The following KIRREL3 variants were observed in gnomAD, a reference collection of about 807,000 sequenced individuals.
The protein encoded by KIRREL3 is kirre like nephrin family adhesion molecule 3.
KIRREL3 carries 36 observed loss-of-function variants against 89.7 expected under a neutral mutation model. The ratio of observed to expected loss-of-function variants is 0.40; its 90% CI spans 0.31 to 0.53. The LOEUF (loss-of-function observed/expected upper bound fraction) is 0.53, where lower values mean the gene tolerates loss of function less well. Ranked by LOEUF, KIRREL3 falls within the 20% of genes least tolerant of loss-of-function variation. KIRREL3 has a pLI of 0.49. For synonymous variants in KIRREL3, 445 were observed against 441.4 expected (o/e 1.01, Z -0.10); for missense variants, 864 against 1,056.6 (o/e 0.82, Z 2.53).
rs113885071 is a variant in KIRREL3, at chr11:126,867,622, G to A, written c.55+132833C>T. Among the ~76,000 whole-genome samples, 2,342 of 152,244 alleles carry A rather than the reference G, an allele frequency of 0.015. 69 individuals carry two copies. Among genetic ancestry groups the A allele is most frequent in the African/African-American group, 0.053 (2,219 of 41,520 alleles). On this transcript the variant is annotated intron_variant, in intron 1 of 16. Coordinates refer to ENST00000525144, the MANE Select transcript of KIRREL3 (RefSeq NM_032531.4). The surrounding 1 kb of genome is among the most constrained non-coding windows in gnomAD (Gnocchi z 4.7). ...TAATACATTTCACCGAATGATTACCGAGTGCCATGCCCCATCAGGATGTGC... is the reference window on the plus strand; with the variant it reads ...TAATACATTTCACCGAATGATTACCAAGTGCCATGCCCCATCAGGATGTGC...
Position 126,898,640 on chromosome 11 carries a change from G to A in KIRREL3, c.55+101815C>T, listed in dbSNP as rs1178840078. On this transcript the variant is annotated intron_variant, in intron 1 of 16. Transcript: ENST00000525144. This position sits in a 1 kb window ranked among gnomAD's most constrained non-coding sequence, Gnocchi z 4.9. ...AGGTAAATTAAAATCATGCATATAGGTAACACCCTGTACTTTACATATATT... is the reference window on the plus strand; with the variant it reads ...AGGTAAATTAAAATCATGCATATAGATAACACCCTGTACTTTACATATATT... 6.6e-6 allele frequency among the ~76,000 whole-genome samples: 1 copy of A among 152,122 alleles called. No individual in the cohort carries two copies. Among genetic ancestry groups the A allele is most frequent in the Non-Finnish European group, 1.5e-5 (1 of 68,040 alleles).
Position 126,451,701 on chromosome 11 carries a change from T to C in KIRREL3, c.849-2544A>G, listed in dbSNP as rs538573623. 3.3e-5 allele frequency among the ~76,000 whole-genome samples: 5 copies of C among 152,006 alleles called. No homozygotes were observed. The East Asian group carries it at 9.7e-4, about 29-fold the overall frequency. ...ATGTGCGTGTGTGTGCACGTGTGAG[T>C]GTGTGCATGTGTGAGCACGTGCATA... On this transcript the variant is annotated intron_variant, in intron 7 of 16. Coordinates refer to ENST00000525144, the MANE Select transcript of KIRREL3 (RefSeq NM_032531.4).
rs1001128238 is a variant in KIRREL3, at chr11:126,476,694, G to T, written c.434-3228C>A. Among the ~76,000 whole-genome samples the T allele has an allele frequency of 1.3e-5, 2 of 152,082 alleles. No homozygotes were observed. Among genetic ancestry groups the T allele is most frequent in the African/African-American group, 4.8e-5 (2 of 41,396 alleles). ...GGGGGTGGGGGTTGGTGAGGATGGA[G>T]GATGTTTGGGGGCCAGCAGGCTGAA... is the stretch of plus-strand genomic sequence containing the variant. On this transcript the variant is annotated intron_variant, in intron 4 of 16. Transcript: ENST00000525144. The surrounding 1 kb of genome is among the most constrained non-coding windows in gnomAD (Gnocchi z 6.4).
At chr11:126,859,912 T>C (rs553772106) in intron 1 of KIRREL3, among the ~76,000 whole-genome samples, 1 of 152,328 alleles carries the variant, frequency 6.6e-6, no homozygotes, top group East Asian at 1.9e-4. Flanking sequence ...TCACCCTCCT[T>C]TCTATCTCTA....
intron 1 of KIRREL3, among the ~76,000 whole-genome samples, chr11:126,998,916 AGTGTGTGTGTGTGTGT>A (rs10561880): frequency 0.18 from 25,203 of 141,332 alleles, 2,509 homozygotes; most frequent in African/African-American, 0.27. Context: ...GACGAATGGG[AGTGTGTGTGTGTGTGT>A]GTGTGTGTGT....
chr11:126,746,273 G>A lies in KIRREL3; in HGVS notation c.56-183361C>T, dbSNP rs573540660. On this transcript the variant is annotated intron_variant, in intron 1 of 16. Coordinates refer to ENST00000525144, the MANE Select transcript of KIRREL3 (RefSeq NM_032531.4). The stretch of plus-strand genomic sequence containing the variant: ...TGATGGGCCCTTGCCTTTAATCAGC[G>A]TGTGGTTTATTAAAGGAGAAACTAT... Among the ~76,000 whole-genome samples, 25 of 152,336 alleles carry A rather than the reference G, an allele frequency of 1.6e-4. No individual in the cohort carries two copies. In the East Asian group the frequency reaches 1.7e-3, roughly 11 times the overall value.
rs143972497 is a variant in KIRREL3 at position 126,557,834 on chromosome 11, G to A, written c.133+5001C>T. On this transcript the variant is annotated intron_variant, in intron 2 of 16. Transcript: ENST00000525144. This position sits in a 1 kb window ranked among gnomAD's most constrained non-coding sequence, Gnocchi z 5.6. ...CTGGACTGGGACCACAGTGCTGTTC[G>A]GGAGCTGTGGGCCATGCAAGAGGCT... is the stretch of plus-strand genomic sequence containing the variant. Among the ~76,000 whole-genome samples, 1,131 of 152,282 alleles carry A rather than the reference G, an allele frequency of 7.4e-3. 14 individuals carry two copies. The highest frequency in any genetic ancestry group is 0.026 in the African/African-American group (1,080 of 41,554).
rs1174048526 is a variant in KIRREL3 at position 126,594,844 on chromosome 11, C to A, written c.56-31932G>T. Among the ~76,000 whole-genome samples, 5 of 152,250 alleles carry A rather than the reference C, an allele frequency of 3.3e-5. No homozygotes were observed. Among genetic ancestry groups the A allele is most frequent in the Admixed American group, 6.5e-5 (1 of 15,280 alleles). On this transcript the variant is annotated intron_variant, in intron 1 of 16. Transcript: ENST00000525144. The surrounding 1 kb of genome is among the most constrained non-coding windows in gnomAD (Gnocchi z 5.0). ...AACCTGCATTTGGGAGCTGCTCGAT[C>A]TTTTCTGTTAGCATTTCCGCCACGT...
At chr11:126,854,986 G>A (rs1944462371) in intron 1 of KIRREL3, among the ~76,000 whole-genome samples, 1 of 152,138 alleles carries the variant, frequency 6.6e-6, no homozygotes, top group East Asian at 1.9e-4. Context: ...GTACAGATGT[G>A]GAGTCCGAGG....
Position 126,783,499 on chromosome 11 carries a change from C to T in KIRREL3, c.55+216956G>A, listed in dbSNP as rs952684268. On this transcript the variant is annotated intron_variant, in intron 1 of 16. Coordinates refer to ENST00000525144, the MANE Select transcript of KIRREL3 (RefSeq NM_032531.4). The surrounding 1 kb of genome is among the most constrained non-coding windows in gnomAD (Gnocchi z 4.3). ...CACAATCCAACACATAACATATTCT[C>T]TTCCAAAAAAGCCACACTAATGAGG... 6.6e-6 allele frequency among the ~76,000 whole-genome samples: 1 copy of T among 152,180 alleles called. No homozygotes were observed. The highest frequency in any genetic ancestry group is 6.5e-5 in the Admixed American group (1 of 15,280).
At chr11:126,648,946 A>G (rs1944800451) in intron 1 of KIRREL3, among the ~76,000 whole-genome samples, 1 of 152,222 alleles carries the variant, frequency 6.6e-6, no homozygotes, top group South Asian at 2.1e-4. Flanking sequence ...GACATACTCG[A>G]GAATGGGAAG....
At chr11:126,930,003 G>A (rs1380096390) in intron 1 of KIRREL3, among the ~76,000 whole-genome samples, 1 of 152,046 alleles carries the variant, frequency 6.6e-6, no homozygotes, top group African/African-American at 2.4e-5. Context: ...GGAGGAAGGA[G>A]GGGTGTGTAA....
At position 126,736,865 on chromosome 11, in the gene KIRREL3, G is replaced by A. The variant is rs1219896865; in HGVS notation, c.56-173953C>T. On this transcript the variant is annotated intron_variant, in intron 1 of 16. Coordinates refer to ENST00000525144, the MANE Select transcript of KIRREL3 (RefSeq NM_032531.4). This position sits in a 1 kb window ranked among gnomAD's most constrained non-coding sequence, Gnocchi z 5.0. ...GTCCTCCCCCACCCTGTGCTGCCCA[G>A]GAAAAAGAGCTCAAAGGGAGTGCCC... Among the ~76,000 whole-genome samples the A allele has an allele frequency of 6.6e-6, 1 of 152,158 alleles. No homozygotes were observed. Among genetic ancestry groups the A allele is most frequent in the African/African-American group, 2.4e-5 (1 of 41,432 alleles).
rs1171847822 is a variant in KIRREL3, at chr11:126,687,890, C to G, written c.56-124978G>C. ...GCTCCACTGCCAGCGAGGGAGAAAG[C>G]CCTCCTAGGCCCGAAGCAGCAAAAG... On this transcript the variant is annotated intron_variant, in intron 1 of 16. Coordinates refer to ENST00000525144, the MANE Select transcript of KIRREL3 (RefSeq NM_032531.4). This position sits in a 1 kb window ranked among gnomAD's most constrained non-coding sequence, Gnocchi z 4.6. Among the ~76,000 whole-genome samples the G allele has an allele frequency of 6.6e-6, 1 of 152,186 alleles. No individual in the cohort carries two copies. The highest frequency in any genetic ancestry group is 6.5e-5 in the Admixed American group (1 of 15,284).
Position 126,425,699 on chromosome 11 carries a change from T to G in KIRREL3, c.1832A>C (p.Asp611Ala). The G allele has an allele frequency of 6.3e-7, 1 of 1,598,434 alleles. No homozygotes were observed. The highest frequency in any genetic ancestry group is 8.5e-7 in the Non-Finnish European group (1 of 1,171,888). ...LMMDRGEFQQ[D>A]SVLKQLEVLK... Reference sequence around the variant, plus strand: ...GACCTCCAGCTGTTTCAGGACTGAGTCTTGCTGGAATTCACCCCGGTCCAT... The same window carrying G: ...GACCTCCAGCTGTTTCAGGACTGAGGCTTGCTGGAATTCACCCCGGTCCAT... The change falls in exon 16 of 17, where the codon GAC becomes GCC. Residue 611 changes from aspartate (D) to alanine (A), a missense_variant. Transcript: ENST00000525144.
rs190171589 is a variant in KIRREL3, at chr11:126,954,042, G to T, written c.55+46413C>A. 6.6e-6 allele frequency among the ~76,000 whole-genome samples: 1 copy of T among 152,228 alleles called. No individual in the cohort carries two copies. The highest frequency in any genetic ancestry group is 1.5e-5 in the Non-Finnish European group (1 of 68,016). On this transcript the variant is annotated intron_variant, in intron 1 of 16. Coordinates refer to ENST00000525144, the MANE Select transcript of KIRREL3 (RefSeq NM_032531.4). The surrounding 1 kb of genome is among the most constrained non-coding windows in gnomAD (Gnocchi z 4.1). ...TGTGCACAGGGGTGTGTGTGCACAT[G>T]CGTGTGCATGTGTACATGCGGGGTC...
At chr11:126,695,271 C>T (rs557699744) in intron 1 of KIRREL3, among the ~76,000 whole-genome samples, 1 of 152,248 alleles carries the variant, frequency 6.6e-6, no homozygotes, top group South Asian at 2.1e-4. Flanking sequence ...AAGGAAGCAG[C>T]AACTTGTCCA....
At chr11:126,868,525 T>TA (rs1944999168) in intron 1 of KIRREL3, among the ~76,000 whole-genome samples, 2 of 152,206 alleles carry the variant, frequency 1.3e-5, no homozygotes, top group South Asian at 4.1e-4. Context: ...GGGATTCATT[T>TA]AGCCTTTTCT....
At position 126,684,200 on chromosome 11, in the gene KIRREL3, A is replaced by G. The variant is rs866151589; in HGVS notation, c.56-121288T>C. Among the ~76,000 whole-genome samples the G allele has an allele frequency of 1.3e-5, 2 of 152,124 alleles. No individual in the cohort carries two copies. The highest frequency in any genetic ancestry group is 2.9e-5 in the Non-Finnish European group (2 of 68,022). ...GAGGTGTGTGCAATATGGTGGGAGG[A>G]GCCGGGCTGGAGGCTGCAGACTCTG... is the stretch of plus-strand genomic sequence containing the variant. On this transcript the variant is annotated intron_variant, in intron 1 of 16. Transcript: ENST00000525144. The surrounding 1 kb of genome is among the most constrained non-coding windows in gnomAD (Gnocchi z 4.2).
Sources: allele counts gnomAD v4.1 joint callset (sites outside exome capture counted in the v4.1 genomes callset), GRCh38; gene constraint gnomAD v4.1.1; non-coding constraint Gnocchi (gnomAD v3.1); transcripts MANE v1.5; gene names NCBI Gene and HGNC (gene_info 2026-07-23, HGNC 2026-07-21).